Variants in ARFGEF1 observed in about 807,000 individuals in gnomAD.
The protein encoded by ARFGEF1 is brefeldin A-inhibited guanine nucleotide-exchange protein 1.
ARFGEF1 carries 42 observed loss-of-function variants against 231.0 expected under a neutral mutation model. That is an observed-to-expected ratio of 0.18 (90% CI 0.14 to 0.24). ARFGEF1 has a LOEUF of 0.24. Ranked by LOEUF, ARFGEF1 falls within the 10% of genes least tolerant of loss-of-function variation. The pLI is 1.00. For synonymous variants in ARFGEF1, 710 were observed against 732.3 expected, an observed-to-expected ratio of 0.97 and a Z score of 0.49; for missense variants, 1,345 against 2,192.0, an observed-to-expected ratio of 0.61 and a Z score of 7.72.
In ARFGEF1 at chr8:67,245,672, CAGGAAAGA is replaced by C. The variant is rs1040248069; in HGVS notation, c.2851-5390_2851-5383del. ...ACAATAACCTTCACTAAAAGGAAGACAGGAAAGAAGGAAAGAAAGAAGAAAAGACCACA... is the reference window on the plus strand; with the variant it reads ...ACAATAACCTTCACTAAAAGGAAGACAGGAAAGAAAGAAGAAAAGACCACA... On this transcript the variant is annotated intron_variant, in intron 19 of 38. Coordinates refer to ENST00000262215, the MANE Select transcript of ARFGEF1 (RefSeq NM_006421.5). Among the ~76,000 whole-genome samples the C allele has an allele frequency of 6.7e-5, 10 of 149,106 alleles. 1 individual carries two copies. Among genetic ancestry groups the C allele is most frequent in the African/African-American group, 2.5e-4 (10 of 39,788 alleles).
At chr8:67,192,737 A>G (rs1369936413), downstream of ARFGEF1, among the ~76,000 whole-genome samples, 1 of 152,186 alleles carries the variant, frequency 6.6e-6, no homozygotes, top group African/African-American at 2.4e-5. Flanking sequence ...GTGGCCATCC[A>G]GTTGTTCTAG....
chr8:67,215,107 T>G (rs1326822805), intron 33 of ARFGEF1, among the ~76,000 whole-genome samples: 2 of 152,204 alleles, frequency 1.3e-5, no homozygotes, highest in African/African-American at 4.8e-5. Context: ...GTCCCACTAC[T>G]GTATTTTAAA....
At chr8:67,231,395 C>T (rs1336777577) in intron 23 of ARFGEF1, among the ~76,000 whole-genome samples, 3 of 152,010 alleles carry the variant, frequency 2.0e-5, no homozygotes, top group Non-Finnish European at 4.4e-5. Flanking sequence ...TGACACAGTA[C>T]TAACAAAATT....
At chr8:67,337,008 G>A (rs1440523265) in intron 1 of ARFGEF1, among the ~76,000 whole-genome samples, 6 of 151,588 alleles carry the variant, frequency 4.0e-5, no homozygotes, top group African/African-American at 1.2e-4. Context: ...AGCGCTACAC[G>A]AGATTAGCTA....
chr8:67,209,090 A>G (rs1294000443), intron 34 of ARFGEF1, among the ~76,000 whole-genome samples: 3 of 152,232 alleles, frequency 2.0e-5, no homozygotes, highest in African/African-American at 7.2e-5. Flanking sequence ...ACTCCTAGGT[A>G]GATAATGCAA....
chr8:67,257,548 A>AGTC (rs1563868884), intron 17 of ARFGEF1, among the ~76,000 whole-genome samples, 184 bp downstream of exon 17: 1 of 152,084 alleles, frequency 6.6e-6, no homozygotes, highest in East Asian at 1.9e-4. Flanking sequence ...GATACCTAAA[A>AGTC]GTCTAATTTT....
intron 1 of ARFGEF1, among the ~76,000 whole-genome samples, chr8:67,316,243 TAGTCCTATA>T: frequency 6.6e-6 from 1 of 152,316 alleles, no homozygotes; most frequent in African/African-American, 2.4e-5. Flanking sequence ...ATCATTTGAA[TAGTCCTATA>T]ACTATTAAAG....
downstream of ARFGEF1, among the ~76,000 whole-genome samples, chr8:67,194,221 C>T (rs150658025): frequency 7.9e-4 from 120 of 152,278 alleles, 1 homozygote; most frequent in African/African-American, 2.7e-3. Flanking sequence ...TAATGGGACA[C>T]TTTCATATTG....
At chr8:67,227,090 GC>G in intron 27 of ARFGEF1, 46 bp downstream of exon 27, 1 of 1,436,068 alleles carries the variant, frequency 7.0e-7, no homozygotes, top group Non-Finnish European at 9.5e-7. Context: ...CGTTAAGGTT[GC>G]TTTTTTTTTT....
In ARFGEF1 at chr8:67,266,013, T is replaced by C; in HGVS notation, c.2116A>G (p.Ile706Val). 6.2e-7 allele frequency: 1 copy of C among 1,613,456 alleles called. No homozygotes were observed. The highest frequency in any genetic ancestry group is 8.5e-7 in the Non-Finnish European group (1 of 1,179,522). Residue 706 changes from isoleucine to valine, a missense_variant, in exon 14 of 39, where the codon ATA becomes GTA. Physicochemically the swap from Ile to Val is conservative, Grantham distance 29. This residue lies in a region of ARFGEF1 where 105 missense variants were observed against 159.3 expected (regional missense o/e 0.66). Coordinates refer to ENST00000262215, the MANE Select transcript of ARFGEF1 (RefSeq NM_006421.5). Reference sequence around the variant, plus strand: ...TTAAGCTATGACACTTACAAATCTATCCCTTGTTCTATTATTTCTTTTTGT... The same window carrying C: ...TTAAGCTATGACACTTACAAATCTACCCCTTGTTCTATTATTTCTTTTTGT... Reference protein sequence around the residue: ...KQQKEIIEQGIDLFNKKPKRG... With the variant: ...KQQKEIIEQGVDLFNKKPKRG...
intron 1 of ARFGEF1, among the ~76,000 whole-genome samples, chr8:67,335,371 C>G (rs995022409): frequency 2.0e-5 from 3 of 152,158 alleles, no homozygotes; most frequent in Admixed American, 6.5e-5. Flanking sequence ...TCCCAAAGTG[C>G]TGGGATCACA....
chr8:67,255,992 G>T (rs572478274), intron 17 of ARFGEF1, among the ~76,000 whole-genome samples: 1 of 152,306 alleles, frequency 6.6e-6, no homozygotes, highest in South Asian at 2.1e-4. Flanking sequence ...CATTGCACAG[G>T]TGCATATAAT....
intron 3 of ARFGEF1, among the ~76,000 whole-genome samples, chr8:67,300,872 A>G (rs1470000993): frequency 6.6e-6 from 1 of 151,618 alleles, no homozygotes; most frequent in Admixed American, 6.6e-5. Flanking sequence ...AAAACAGCAG[A>G]CACTTAGAAA....
At chr8:67,265,940 G>T in intron 14 of ARFGEF1, 66 bp downstream of exon 14, 1 of 1,478,502 alleles carries the variant, frequency 6.8e-7, no homozygotes, top group Non-Finnish European at 9.4e-7. Context: ...TAAACCCACG[G>T]CAGGGGTGGC....
At chr8:67,336,205 T>C (rs1325072687) in intron 1 of ARFGEF1, among the ~76,000 whole-genome samples, 1 of 152,240 alleles carries the variant, frequency 6.6e-6, no homozygotes, top group Non-Finnish European at 1.5e-5. Flanking sequence ...CCAGACCTTT[T>C]AAGAAGCTTT....
chr8:67,277,962 C>T (rs1460598539), intron 7 of ARFGEF1, among the ~76,000 whole-genome samples: 2 of 152,026 alleles, frequency 1.3e-5, no homozygotes, highest in Non-Finnish European at 2.9e-5. Flanking sequence ...TTTAGAATTC[C>T]TATGAATATC....
At chr8:67,289,548 C>CA (rs1805910205) in intron 6 of ARFGEF1, among the ~76,000 whole-genome samples, 5 of 38,466 alleles carry the variant, frequency 1.3e-4, no homozygotes, top group Non-Finnish European at 1.3e-4. Flanking sequence ...GACTCTGTAT[C>CA]CAAAAAAAAA....
Position 67,200,431 on chromosome 8 carries a change from A to G in ARFGEF1, c.5350T>C (p.Phe1784Leu), listed in dbSNP as rs1159159227. 1.1e-5 allele frequency: 18 copies of G among 1,595,766 alleles called. No individual in the cohort carries two copies. The highest frequency in any genetic ancestry group is 3.3e-4 in the Middle Eastern group (2 of 6,046). The change falls in exon 38 of 39, where the codon TTT (phenylalanine) becomes CTT (leucine). Residue 1784 changes from phenylalanine (F) to leucine (L), a missense_variant. Phe to Leu is a conservative substitution (Grantham distance 22). Transcript: ENST00000262215. The stretch of plus-strand genomic sequence containing the variant: ...CTTATCTTTAGAACTTTAGTTAGAA[A>G]CAAAAGCAGTAAGTTAGTCCAGGCT... ...REAWTNLLLLFLTKVLKISDN... is the reference protein window; with the variant it reads ...REAWTNLLLLLLTKVLKISDN...
Position 67,257,801 on chromosome 8 carries a change from A to G in ARFGEF1, c.2457T>C (p.Ala819=). ...CCAAAACATAAGCTGTATCCGCACT[A>G]GCAAAGAGAGTTTGTCTGGAAAAAT... is the stretch of plus-strand genomic sequence containing the variant. ...LECNQGQTLF[A]SADTAYVLAY... is the part of the protein sequence containing the mutation. Residue 819 remains alanine, a synonymous_variant, in exon 17 of 39, where the codon GCT becomes GCC. Transcript: ENST00000262215. 1 of 1,607,060 alleles carries G rather than the reference A, an allele frequency of 6.2e-7. No individual in the cohort carries two copies. The highest frequency in any genetic ancestry group is 8.5e-7 in the Non-Finnish European group (1 of 1,178,236).
Sources: gnomAD v4.1 joint callset for allele counts (sites outside exome capture counted in the v4.1 genomes callset) on GRCh38, gnomAD v4.1.1 for gene constraint, gnomAD v4.1.1 regional missense constraint, MANE v1.5 for transcripts, NCBI Gene and HGNC (gene_info 2026-07-23, HGNC 2026-07-21) for gene names.